SNAP29: variants seen among roughly 807,000 people sequenced by gnomAD.
The protein encoded by SNAP29 is synaptosomal-associated protein 29.
Under a neutral mutation model 27.9 loss-of-function variants are expected in SNAP29, and 13 were observed. That is an observed-to-expected ratio of 0.47 (90% CI 0.30 to 0.74). The LOEUF (loss-of-function observed/expected upper bound fraction) is 0.74. Ranked by LOEUF, SNAP29 falls within the 30% of genes least tolerant of loss-of-function variation. SNAP29 has a pLI of 0.06. For missense variants in SNAP29, 368 were observed against 336.5 expected (o/e 1.09, Z -0.73); for synonymous variants, 119 against 127.1 (o/e 0.94, Z 0.43).
At chr22:20,859,432 G>T (rs1381023457) in intron 1 of SNAP29, 85 bp downstream of exon 1, 7 of 1,051,716 alleles carry the variant, frequency 6.7e-6, no homozygotes, top group Non-Finnish European at 9.0e-6. Flanking sequence ...ACAATCTTTT[G>T]AGAATTCTCA....
chr22:20,881,076 AG>A lies in SNAP29; in HGVS notation c.463del (p.Glu155AsnfsTer30). ...TGAAAGAAGCTATAAGTACAAGTAA[AG>A]AACAGGAAGCAAAGTACCAGGCCAG... ...RLKEAISTSK[E>X]QEAKYQASHP... On this transcript the variant is annotated frameshift_variant, in exon 3 of 5. Coordinates refer to ENST00000215730, the MANE Select transcript of SNAP29 (RefSeq NM_004782.4). LOFTEE classifies it high-confidence loss of function. 1 of 1,613,142 alleles carries A rather than the reference AG, an allele frequency of 6.2e-7. No homozygotes were observed. Among genetic ancestry groups the A allele is most frequent in the Non-Finnish European group, 8.5e-7 (1 of 1,179,044 alleles).
At chr22:20,879,487 C>T (rs1284809998) in intron 2 of SNAP29, among the ~76,000 whole-genome samples, 1 of 151,572 alleles carries the variant, frequency 6.6e-6, no homozygotes, top group African/African-American at 2.4e-5. Context: ...TGCAGTAAAT[C>T]GAGATCACGC....
intron 2 of SNAP29, among the ~76,000 whole-genome samples, chr22:20,871,507 A>AAAAAAAAAAAT (rs1928591538): frequency 6.8e-6 from 1 of 146,492 alleles, no homozygotes; most frequent in Non-Finnish European, 1.5e-5. Context: ...AAAAAAAAAG[A>AAAAAAAAAAAT]TTTAAAGCTA....
chr22:20,862,305 C>T (rs1227760100), intron 1 of SNAP29, among the ~76,000 whole-genome samples: 1 of 152,154 alleles, frequency 6.6e-6, no homozygotes, highest in Non-Finnish European at 1.5e-5. Flanking sequence ...ATCAATGATT[C>T]AAAGTAGGGC....
chr22:20,867,685 GCCAC>G (rs1928493624), intron 1 of SNAP29, among the ~76,000 whole-genome samples: 1 of 152,204 alleles, frequency 6.6e-6, no homozygotes, highest in Non-Finnish European at 1.5e-5. Flanking sequence ...GGCAAGATAA[GCCAC>G]CCTCACAGAC....
chr22:20,870,301 G>A, intron 1 of SNAP29, 36 bp from the exon 2 acceptor site: 1 of 1,608,736 alleles, frequency 6.2e-7, no homozygotes, highest in Non-Finnish European at 8.5e-7. Flanking sequence ...GAGAGTCACA[G>A]AAAGCTATAA....
At chr22:20,883,380 C>G (rs1163968900) in intron 3 of SNAP29, 91 bp from the exon 4 acceptor site, 6 of 874,846 alleles carry the variant, frequency 6.9e-6, no homozygotes, top group Admixed American at 5.2e-5. Flanking sequence ...TCCTTCCACC[C>G]ATTTTCCAGA....
At chr22:20,876,797 C>G (rs995685259) in intron 2 of SNAP29, among the ~76,000 whole-genome samples, 1 of 152,046 alleles carries the variant, frequency 6.6e-6, no homozygotes, top group African/African-American at 2.4e-5. Context: ...GTCTCGATCT[C>G]CTGACCTAGT....
chr22:20,887,945 C>A lies in SNAP29; in HGVS notation c.*109C>A. ...TAGTATGTAAATTAATGTGTGTTTG[C>A]AAATGTTATAATAGAGTAGGTCTTA... On this transcript the variant is annotated 3_prime_UTR_variant, in exon 5 of 5. Transcript: ENST00000215730. 1 of 1,113,068 alleles carries A rather than the reference C, an allele frequency of 9.0e-7. No homozygotes were observed. The highest frequency in any genetic ancestry group is 1.3e-6 in the Non-Finnish European group (1 of 751,814). 68.9% of individuals were successfully genotyped at this position (1,113,068 alleles called of 1,614,324 possible). A position where few individuals can be genotyped will look rare whatever the true frequency, so the allele number is the denominator to read the frequency against.
intron 2 of SNAP29, 95 bp downstream of exon 2, chr22:20,870,628 G>GTTGTTGGATCCCTTC: frequency 8.7e-7 from 1 of 1,150,532 alleles, no homozygotes; most frequent in Non-Finnish European, 1.3e-6. Context: ...GCCATGAAGG[G>GTTGTTGGATCCCTTC]ATCCAACAAC....
intron 3 of SNAP29, among the ~76,000 whole-genome samples, chr22:20,882,859 G>A (rs1928919989): frequency 6.6e-6 from 1 of 152,200 alleles, no homozygotes. Context: ...CCCTGAAAGA[G>A]ATAAACCGGG....
chr22:20,861,672 G>C (rs1569114158), intron 1 of SNAP29, among the ~76,000 whole-genome samples: 1 of 151,932 alleles, frequency 6.6e-6, no homozygotes, highest in South Asian at 2.1e-4. Flanking sequence ...GTCTTGCTCT[G>C]TCTCCCAGGC....
intron 2 of SNAP29, chr22:20,870,825 C>T (rs1015303944): frequency 7.1e-5 from 33 of 465,608 alleles, no homozygotes; most frequent in Middle Eastern, 6.3e-4. Flanking sequence ...TGACTCACTT[C>T]ACATAATTTT....
intron 1 of SNAP29, among the ~76,000 whole-genome samples, chr22:20,862,021 C>T (rs959355530): frequency 3.3e-5 from 5 of 152,212 alleles, no homozygotes; most frequent in African/African-American, 1.2e-4. Context: ...CTGCCCACCT[C>T]AGCCTCCCAA....
intron 4 of SNAP29, 111 bp from the exon 5 acceptor site, chr22:20,887,568 C>T (rs1929048460): frequency 8.7e-7 from 1 of 1,155,016 alleles, no homozygotes; most frequent in African/African-American, 1.5e-5. Context: ...GGGTGCAGTC[C>T]CCCCAGGCAA....
chr22:20,880,410 G>A (rs1928862492), intron 2 of SNAP29, among the ~76,000 whole-genome samples: 1 of 151,788 alleles, frequency 6.6e-6, no homozygotes. Context: ...GGAGACTAAG[G>A]CGGGAGAATC....
At chr22:20,867,044 A>T in intron 1 of SNAP29, among the ~76,000 whole-genome samples, 1 of 152,184 alleles carries the variant, frequency 6.6e-6, no homozygotes, top group South Asian at 2.1e-4. Flanking sequence ...AACAAATGAA[A>T]AGCTGAGATT....
intron 1 of SNAP29, among the ~76,000 whole-genome samples, chr22:20,863,207 C>T (rs1178570170): frequency 1.3e-5 from 2 of 152,180 alleles, no homozygotes; most frequent in East Asian, 1.9e-4. Context: ...CTTTCATTCC[C>T]TTTGGTGTTG....
At position 20,860,869 on chromosome 22, in the gene SNAP29, CTCTACAAA is replaced by C. The variant is rs1569113865; in HGVS notation, c.237+1523_237+1530del. 8.0e-3 allele frequency among the ~76,000 whole-genome samples: 1,223 copies of C among 152,236 alleles called. 17 individuals carry two copies. The highest frequency in any genetic ancestry group is 0.028 in the African/African-American group (1,167 of 41,536). ...TTGAGACCAGCAGGGGTAACTGCGT[CTCTACAAA>C]ATTTGAAAAATTAGCCAGGCATGGT... On this transcript the variant is annotated intron_variant, in intron 1 of 4. Transcript: ENST00000215730.
Sources: allele counts gnomAD v4.1 joint callset (sites outside exome capture counted in the v4.1 genomes callset), GRCh38; gene constraint gnomAD v4.1.1; transcripts MANE v1.5; gene names NCBI Gene and HGNC (gene_info 2026-07-23, HGNC 2026-07-21).